Variants in ROS1 observed in about 807,000 individuals in gnomAD.
ROS1 encodes the protein ROS proto-oncogene 1, receptor tyrosine kinase.
Under a neutral mutation model 273.5 loss-of-function variants are expected in ROS1, and 263 were observed. The ratio of observed to expected loss-of-function variants is 0.96; its 90% CI spans 0.87 to 1.06. ROS1 has a LOEUF of 1.06. Among genes scored for constraint, ROS1 ranks in the 50% least tolerant of loss-of-function variants. ROS1 has a pLI of 0.00. For missense variants in ROS1, 2,833 were observed against 2,751.1 expected (o/e 1.03, Z -0.67); for synonymous variants, 1,008 against 954.1 (o/e 1.06, Z -1.04).
intron 39 of ROS1, 29 bp from the exon 40 acceptor site, chr6:117,311,146 T>A (rs767378516): frequency 3.0e-6 from 4 of 1,352,130 alleles, no homozygotes; most frequent in Non-Finnish European, 4.2e-6. Flanking sequence ...AAATTACAGG[T>A]AGTTATCTAG....
chr6:117,386,244 C>A (rs1469225812), intron 15 of ROS1, among the ~76,000 whole-genome samples: 1 of 152,242 alleles, frequency 6.6e-6, no homozygotes, highest in Non-Finnish European at 1.5e-5. Flanking sequence ...CCAGACTCAG[C>A]CAATGCCAAA....
At chr6:117,300,086 C>CTTTTTTTTTTTTTTTTTTTT (rs10700318) in intron 43 of ROS1, among the ~76,000 whole-genome samples, 7 of 31,836 alleles carry the variant, frequency 2.2e-4, no homozygotes, top group Non-Finnish European at 3.7e-4. Flanking sequence ...CCAGGACAGG[C>CTTTTTTTTTTTTTTTTTTTT]TTTTTTTTTT....
At chr6:117,396,444 C>T (rs1773495762) in intron 8 of ROS1, among the ~76,000 whole-genome samples, 180 bp from the exon 9 acceptor site, 1 of 152,122 alleles carries the variant, frequency 6.6e-6, no homozygotes, top group African/African-American at 2.4e-5. Flanking sequence ...TTTGCATTCC[C>T]CTAGAACAGT....
intron 5 of ROS1, among the ~76,000 whole-genome samples, chr6:117,408,828 T>C (rs1268401699): frequency 2.0e-5 from 3 of 152,054 alleles, no homozygotes; most frequent in Admixed American, 6.5e-5. Context: ...TGTCCAACAA[T>C]GATAGACTGG....
intron 17 of ROS1, among the ~76,000 whole-genome samples, chr6:117,379,951 T>C (rs571947251): frequency 6.6e-6 from 1 of 152,120 alleles, no homozygotes; most frequent in Non-Finnish European, 1.5e-5. Flanking sequence ...TGTTGCAATG[T>C]ATATCTTAAG....
intron 1 of ROS1, among the ~76,000 whole-genome samples, chr6:117,420,736 T>C (rs1775689802): frequency 6.6e-6 from 1 of 152,046 alleles, no homozygotes; most frequent in Admixed American, 6.6e-5. Flanking sequence ...GGGACATAAG[T>C]AGGATAATAC....
intron 34 of ROS1, among the ~76,000 whole-genome samples, chr6:117,325,135 ATAAC>A (rs1277772699): frequency 6.6e-6 from 1 of 152,190 alleles, no homozygotes; most frequent in Non-Finnish European, 1.5e-5. Flanking sequence ...AACTAACTAG[ATAAC>A]TAACTATAAT....
chr6:117,396,807 G>A, intron 8 of ROS1, 108 bp downstream of exon 8: 2 of 805,266 alleles, frequency 2.5e-6, no homozygotes, highest in South Asian at 3.3e-5. Context: ...TGGAGTCAGT[G>A]GCGCTTCTCA....
At chr6:117,316,391 G>A (rs1775920300) in intron 39 of ROS1, among the ~76,000 whole-genome samples, 1 of 151,918 alleles carries the variant, frequency 6.6e-6, no homozygotes, top group Admixed American at 6.6e-5. Flanking sequence ...GCCATATGAT[G>A]TTTATTTTGA....
chr6:117,424,732 A>G (rs1482782322), intron 1 of ROS1, among the ~76,000 whole-genome samples: 1 of 152,184 alleles, frequency 6.6e-6, no homozygotes, highest in Admixed American at 6.5e-5. Flanking sequence ...AATCTGCCAC[A>G]TAATTCTATC....
At chr6:117,406,990 A>T (rs1200620977) in intron 5 of ROS1, among the ~76,000 whole-genome samples, 1 of 151,562 alleles carries the variant, frequency 6.6e-6, no homozygotes, top group East Asian at 1.9e-4. Flanking sequence ...AGATTGCTGT[A>T]ATGGCCTGGA....
chr6:117,366,733 T>C (rs1490579916), intron 18 of ROS1, among the ~76,000 whole-genome samples: 4 of 152,158 alleles, frequency 2.6e-5, no homozygotes, highest in Non-Finnish European at 5.9e-5. Context: ...AGGCTGGTCT[T>C]GAACTTCTGA....
chr6:117,394,379 T>C, intron 10 of ROS1, 33 bp from the exon 11 acceptor site: 8 of 1,483,762 alleles, frequency 5.4e-6, no homozygotes, highest in Non-Finnish European at 7.1e-6. Context: ...CACACATTAT[T>C]ATATAACAAC....
At position 117,321,354 on chromosome 6, in the gene ROS1, T is replaced by G. The variant is rs1562269193; in HGVS notation, c.5664A>C (p.Glu1888Asp). 1.9e-6 allele frequency: 3 copies of G among 1,613,292 alleles called. No homozygotes were observed. The highest frequency in any genetic ancestry group is 2.5e-6 in the Non-Finnish European group (3 of 1,179,666). ...CTTCGTTTATAAGCACTGTCACCCC[T>G]TCCTTGGCACTTTTTTGATTCTTTA... The part of the protein sequence containing the change: ...RRLKNQKSAK[E>D]GVTVLINEDK... Residue 1888 changes from glutamate (E) to aspartate (D), a missense_variant, in exon 36 of 44, where the codon GAA becomes GAC. Coordinates refer to ENST00000368507, the MANE Select transcript of ROS1 (RefSeq NM_001378902.1).
chr6:117,389,980 A>T lies in ROS1; in HGVS notation c.1290-134T>A, dbSNP rs190221823. 9.9e-4 allele frequency: 732 copies of T among 736,310 alleles called. 4 individuals are homozygous for T. Among genetic ancestry groups the T allele is most frequent in the African/African-American group, 9.6e-3 (545 of 56,964 alleles). The allele number at this position is 736,310 out of a possible 1,614,324, so 45.6% of individuals were successfully genotyped here. A position where few individuals can be genotyped will look rare whatever the true frequency, so the allele number is the denominator to read the frequency against. On this transcript the variant is annotated intron_variant, in intron 12 of 43. Transcript: ENST00000368507. The stretch of plus-strand genomic sequence containing the variant: ...ATGTTGCTAAGTACAGGATTTTCCA[A>T]GGTAGAAAAAGGTAATTTCCTAAGA...
At chr6:117,400,915 C>G (rs2128721476) in intron 7 of ROS1, among the ~76,000 whole-genome samples, 1 of 152,316 alleles carries the variant, frequency 6.6e-6, no homozygotes, top group South Asian at 2.1e-4. Context: ...CATTTAATTG[C>G]TTCCTCAGCA....
intron 43 of ROS1, among the ~76,000 whole-genome samples, chr6:117,292,504 C>T (rs1211419955): frequency 1.3e-5 from 2 of 152,174 alleles, no homozygotes; most frequent in African/African-American, 2.4e-5. Context: ...CCATGTCCAC[C>T]ATCTTTGTAA....
chr6:117,373,799 G>T (rs929378999), intron 18 of ROS1, among the ~76,000 whole-genome samples: 1 of 152,252 alleles, frequency 6.6e-6, no homozygotes. Flanking sequence ...CCAAAGAGGT[G>T]CTGAGAGTGA....
intron 2 of ROS1, 104 bp from the exon 3 acceptor site, chr6:117,416,421 T>C (rs1775338503): frequency 1.3e-6 from 1 of 763,120 alleles, no homozygotes; most frequent in East Asian, 2.6e-5. Flanking sequence ...CTCTGTGTTT[T>C]AGAAATAGAA....
Sources: allele counts gnomAD v4.1 joint callset (sites outside exome capture counted in the v4.1 genomes callset), GRCh38; gene constraint gnomAD v4.1.1; transcripts MANE v1.5; gene names NCBI Gene and HGNC (gene_info 2026-07-23, HGNC 2026-07-21).